Variants in PBLD observed in about 807,000 individuals in gnomAD.
PBLD encodes the protein phenazine biosynthesis-like domain-containing protein.
PBLD carries 26 observed loss-of-function variants against 31.3 expected under a neutral mutation model. That is an observed-to-expected ratio of 0.83 (90% CI 0.61 to 1.15). The LOEUF is 1.15. Ranked by LOEUF, PBLD falls within the 50% of genes most tolerant of loss-of-function variation. PBLD has a pLI of 0.00. For synonymous variants in PBLD, 114 were observed against 129.0 expected, an observed-to-expected ratio of 0.88 and a Z score of 0.79; for missense variants, 307 against 351.7, an observed-to-expected ratio of 0.87 and a Z score of 1.02.
chr10:68,312,605 C>CTTT (rs71009043), intron 1 of PBLD, among the ~76,000 whole-genome samples: 5 of 63,338 alleles, frequency 7.9e-5, no homozygotes, highest in African/African-American at 1.3e-4. Flanking sequence ...AGTTTCTTTC[C>CTTT]TTTTTTTTTT....
chr10:68,296,914 T>A lies in PBLD; in HGVS notation c.156A>T (p.Lys52Asn). The A allele has an allele frequency of 2.5e-6, 4 of 1,613,898 alleles. No individual in the cohort carries two copies. Among genetic ancestry groups the A allele is most frequent in the Non-Finnish European group, 3.4e-6 (4 of 1,179,868 alleles). Reference sequence around the variant, plus strand: ...GTGCAAAGTTGTCTGTCGGGTGCAGTTTTCGGATAAAAGCAGTTTCAGAGA... The same window carrying A: ...GTGCAAAGTTGTCTGTCGGGTGCAGATTTCGGATAAAAGCAGTTTCAGAGA... ...MNLSETAFIR[K>N]LHPTDNFAQS... The change falls in exon 3 of 10, where the codon AAA (lysine) becomes AAT (asparagine). Residue 52 changes from lysine to asparagine, a missense_variant. Lys to Asn is a moderately conservative substitution (Grantham distance 94). Coordinates refer to ENST00000358769, the MANE Select transcript of PBLD (RefSeq NM_022129.4).
rs574851572 is a variant in PBLD, at chr10:68,283,188, T to C, written c.*989A>G. The stretch of plus-strand genomic sequence containing the variant: ...CATGAGCCGCCACGCCCAGCTGAGA[T>C]TACATTACTTTGAGTGTTTAATTTC... On this transcript the variant is annotated 3_prime_UTR_variant, in exon 10 of 10. Transcript: ENST00000358769. The C allele has an allele frequency of 3.3e-5, 5 of 152,238 alleles. No individual in the cohort carries two copies. The East Asian group carries it at 9.7e-4, about 29-fold the overall frequency. 9.4% of individuals were successfully genotyped at this position (152,238 alleles called of 1,614,324 possible). A position where few individuals can be genotyped will look rare whatever the true frequency, so the allele number is the denominator to read the frequency against.
chr10:68,325,582 A>G (rs1475274512), intron 1 of PBLD, among the ~76,000 whole-genome samples: 1 of 152,176 alleles, frequency 6.6e-6, no homozygotes, highest in Non-Finnish European at 1.5e-5. Context: ...ATACAAAAAA[A>G]CCCAAAAAGC....
chr10:68,323,950 T>G (rs2044874371), intron 1 of PBLD, among the ~76,000 whole-genome samples: 1 of 152,214 alleles, frequency 6.6e-6, no homozygotes, highest in Non-Finnish European at 1.5e-5. Context: ...CTATCCAGAT[T>G]AATTTCCTAC....
intron 1 of PBLD, among the ~76,000 whole-genome samples, chr10:68,318,187 A>C (rs1284502610): frequency 6.6e-6 from 1 of 151,986 alleles, no homozygotes; most frequent in East Asian, 1.9e-4. Flanking sequence ...AGATCAAGCC[A>C]CTGCACTCCA....
chr10:68,324,387 G>A (rs151203300), intron 1 of PBLD, among the ~76,000 whole-genome samples: 6,060 of 152,122 alleles, frequency 0.04, 153 homozygotes, highest in Non-Finnish European at 0.045. Flanking sequence ...ATGTTGGCCA[G>A]GATGGTCTCG....
At chr10:68,313,844 A>C (rs536039601) in intron 1 of PBLD, among the ~76,000 whole-genome samples, 219 of 152,286 alleles carry the variant, frequency 1.4e-3, no homozygotes, top group African/African-American at 3.8e-3. Context: ...ACAACAACAA[A>C]AAAACCCTTT....
chr10:68,324,218 C>T (rs1264228307), intron 1 of PBLD, among the ~76,000 whole-genome samples: 1 of 151,626 alleles, frequency 6.6e-6, no homozygotes. Flanking sequence ...CGCTCTGTTG[C>T]CAGGCTGGAG....
At chr10:68,330,757 T>TGTGTGTGTGTGTGTGTG (rs2045043365) in intron 1 of PBLD, among the ~76,000 whole-genome samples, 1 of 137,502 alleles carries the variant, frequency 7.3e-6, no homozygotes, top group African/African-American at 2.7e-5. Flanking sequence ...TGTGTGTGTG[T>TGTGTGTGTGTGTGTGTG]ATTTTTAGTA....
intron 1 of PBLD, among the ~76,000 whole-genome samples, chr10:68,318,237 A>C (rs907646034): frequency 6.6e-6 from 1 of 151,812 alleles, no homozygotes; most frequent in Non-Finnish European, 1.5e-5. Context: ...TAAATAAATA[A>C]ATAAATAAAC....
chr10:68,285,862 G>A (rs2044280331), intron 8 of PBLD, among the ~76,000 whole-genome samples: 1 of 147,718 alleles, frequency 6.8e-6, no homozygotes, highest in African/African-American at 2.5e-5. Flanking sequence ...TGTATTTTTT[G>A]TAGAGATGGG....
intron 1 of PBLD, chr10:68,332,340 C>T (rs930425791): frequency 6.6e-6 from 1 of 152,162 alleles, no homozygotes; most frequent in Non-Finnish European, 1.5e-5. Context: ...GAGGCCGCCG[C>T]TTGGAAGCGG....
chr10:68,306,961 A>C, intron 1 of PBLD, 58 bp from the exon 2 acceptor site: 1 of 702,014 alleles, frequency 1.4e-6, no homozygotes, highest in African/African-American at 1.8e-5. Context: ...GACGCAAAGA[A>C]CAGTTCCCAG....
In PBLD at chr10:68,285,401, T is replaced by C. The variant is rs1298029444; in HGVS notation, c.701A>G (p.His234Arg). Residue 234 changes from histidine to arginine, a missense_variant, in exon 9 of 10, where the codon CAC (histidine) becomes CGC (arginine). Transcript: ENST00000358769. ...VAEDPVTGSA[H>R]AVLSSYWSQH... ...GGACCAGTAGCTGCTGAGAACAGCGTGTGCAGACCCTCAAAAGAAGTGAAA... is the reference window on the plus strand; with the variant it reads ...GGACCAGTAGCTGCTGAGAACAGCGCGTGCAGACCCTCAAAAGAAGTGAAA... 2 of 1,604,676 alleles carry C rather than the reference T, an allele frequency of 1.2e-6. No individual in the cohort carries two copies. Among genetic ancestry groups the C allele is most frequent in the Non-Finnish European group, 1.7e-6 (2 of 1,177,206 alleles).
chr10:68,330,130 CACTGT>C (rs2044997231), intron 1 of PBLD, among the ~76,000 whole-genome samples: 1 of 152,092 alleles, frequency 6.6e-6, no homozygotes, highest in Non-Finnish European at 1.5e-5. Flanking sequence ...ATGATGATAA[CACTGT>C]CCTTTCTTCC....
intron 1 of PBLD, among the ~76,000 whole-genome samples, chr10:68,308,695 C>T (rs1013584877): frequency 1.3e-5 from 2 of 150,124 alleles, no homozygotes; most frequent in Admixed American, 6.7e-5. Context: ...ATTACAGGCA[C>T]GTGCCACCAC....
chr10:68,294,813 G>A (rs1007258749), intron 4 of PBLD, among the ~76,000 whole-genome samples: 14 of 152,010 alleles, frequency 9.2e-5, no homozygotes, highest in Admixed American at 3.9e-4. Context: ...CTGCAACCAC[G>A]GCCTCCCAGG....
In PBLD at chr10:68,284,245, G is replaced by A. The variant is rs1424016552; in HGVS notation, c.799C>T (p.Arg267Cys). ...HRGGELGISLRPDGRVDIRGG... is the reference protein window; with the variant it reads ...HRGGELGISLCPDGRVDIRGG... ...CTAATGTCAACCCTTCCGTCTGGAC[G>A]AAGGGAAATTCCCAGCTCTCCTCCT... The change falls in exon 10 of 10, where the codon CGT becomes TGT. Residue 267 changes from arginine to cysteine, a missense_variant. Coordinates refer to ENST00000358769, the MANE Select transcript of PBLD (RefSeq NM_022129.4). 20 of 1,613,974 alleles carry A rather than the reference G, an allele frequency of 1.2e-5. No homozygotes were observed. The highest frequency in any genetic ancestry group is 1.6e-4 in the Middle Eastern group (1 of 6,084).
At chr10:68,295,767 C>T (rs2044418199) in intron 4 of PBLD, among the ~76,000 whole-genome samples, 1 of 152,044 alleles carries the variant, frequency 6.6e-6, no homozygotes, top group Non-Finnish European at 1.5e-5. Flanking sequence ...GCCTGGCCAA[C>T]ATGGTAAAAC....
Sources: allele counts gnomAD v4.1 joint callset (sites outside exome capture counted in the v4.1 genomes callset), GRCh38; gene constraint gnomAD v4.1.1; transcripts MANE v1.5; gene names NCBI Gene and HGNC (gene_info 2026-07-23, HGNC 2026-07-21).